LYST: variants seen among roughly 807,000 people sequenced by gnomAD.
LYST encodes lysosomal trafficking regulator, also known as lysosomal-trafficking regulator.
LYST carries 192 observed loss-of-function variants against 413.6 expected under a neutral mutation model. That is an observed-to-expected ratio of 0.46 (90% CI 0.41 to 0.52). LYST has a LOEUF of 0.52. Among genes scored for constraint, LYST ranks in the 20% least tolerant of loss-of-function variants. The pLI is 0.00. For synonymous variants in LYST, 1,525 were observed against 1,567.3 expected, an observed-to-expected ratio of 0.97 and a Z score of 0.64; for missense variants, 3,815 against 4,499.9, an observed-to-expected ratio of 0.85 and a Z score of 4.35.
chr1:235,800,743 T>C (rs1672124857), intron 9 of LYST, 128 bp downstream of exon 9: 2 of 688,888 alleles, frequency 2.9e-6, no homozygotes, highest in African/African-American at 3.6e-5. Flanking sequence ...GGTATTCACC[T>C]GAGGTACCAG....
At chr1:235,746,628 C>A in intron 28 of LYST, 101 bp from the exon 29 acceptor site, 2 of 800,552 alleles carry the variant, frequency 2.5e-6, no homozygotes, top group Non-Finnish European at 2.1e-6. Flanking sequence ...ATGAAAACAA[C>A]CTTATTTACT....
intron 3 of LYST, among the ~76,000 whole-genome samples, chr1:235,819,674 T>G (rs185019938): frequency 6.6e-6 from 1 of 152,296 alleles, no homozygotes; most frequent in East Asian, 1.9e-4. Context: ...TGAGATGGAG[T>G]CTCACTCTGC....
At chr1:235,665,751 A>C (rs1186250889) in intron 50 of LYST, among the ~76,000 whole-genome samples, 1 of 152,152 alleles carries the variant, frequency 6.6e-6, no homozygotes, top group Non-Finnish European at 1.5e-5. Context: ...AAATCTTATA[A>C]AGCAATACCT....
intron 7 of LYST, among the ~76,000 whole-genome samples, chr1:235,804,131 C>T (rs1374981544): frequency 6.6e-6 from 1 of 151,970 alleles, no homozygotes; most frequent in Non-Finnish European, 1.5e-5. Flanking sequence ...GCTATACCAC[C>T]AAAGAACCAG....
rs749333802 is a variant in LYST, at chr1:235,677,508, C to T, written c.10912G>A (p.Gly3638Arg). 7 of 1,613,516 alleles carry T rather than the reference C, an allele frequency of 4.3e-6. No homozygotes were observed. The East Asian group carries it at 6.7e-5, about 15-fold the overall frequency. Residue 3638 changes from glycine to arginine, a missense_variant, in exon 49 of 53, where the codon GGA (glycine) becomes AGA (arginine). Gly to Arg is a moderately radical substitution (Grantham distance 125). Coordinates refer to ENST00000389793, the MANE Select transcript of LYST (RefSeq NM_000081.4). ...TTTAAATCCCATATGATGCAGGTTC[C>T]GTCTCTGCTCACACTTATCAGTATA... ...YSILISVSRD[G>R]TCIIWDLNRL...
intron 38 of LYST, among the ~76,000 whole-genome samples, chr1:235,725,586 A>G (rs2103182988): frequency 6.6e-6 from 1 of 152,340 alleles, no homozygotes; most frequent in South Asian, 2.1e-4. Context: ...GGTTAAATCC[A>G]TGTCTGGATG....
At chr1:235,797,693 A>G (rs756179193) in intron 10 of LYST, among the ~76,000 whole-genome samples, 1 of 152,224 alleles carries the variant, frequency 6.6e-6, no homozygotes. Flanking sequence ...CTTACGGGGA[A>G]CATTCCATAA....
rs1208201832 is a variant in LYST, at chr1:235,733,916, TTAGA to T, written c.8536-14_8536-11del. 40 of 1,423,118 alleles carry T rather than the reference TTAGA, an allele frequency of 2.8e-5. No individual in the cohort carries two copies. The highest frequency in any genetic ancestry group is 3.6e-5 in the Non-Finnish European group (36 of 1,008,948). The allele number at this position is 1,423,118 out of a possible 1,614,324, so 88.2% of individuals were successfully genotyped here. On this transcript the variant is annotated splice_polypyrimidine_tract_variant and intron_variant, in intron 32 of 52. Transcript: ENST00000389793. ...CATATTTCTTTTGTTCCTAGAAGAT[TTAGA>T]TAATAATATACTATATAAAATTTAT... is the stretch of plus-strand genomic sequence containing the variant.
intron 3 of LYST, among the ~76,000 whole-genome samples, chr1:235,819,133 G>GA (rs1674483284): frequency 6.6e-6 from 1 of 152,190 alleles, no homozygotes; most frequent in South Asian, 2.1e-4. Flanking sequence ...TTGTAGTCCT[G>GA]AAGAGGGCAT....
At chr1:235,771,185 G>C (rs1280737739) in intron 19 of LYST, among the ~76,000 whole-genome samples, 2 of 152,004 alleles carry the variant, frequency 1.3e-5, no homozygotes, top group Non-Finnish European at 2.9e-5. Flanking sequence ...AGCAGACAAG[G>C]CAGCCAAAGT....
chr1:235,665,877 CTGA>C (rs931461970), intron 50 of LYST, among the ~76,000 whole-genome samples: 6 of 151,880 alleles, frequency 4.0e-5, no homozygotes, highest in Non-Finnish European at 2.9e-5. Context: ...GGTTTGGGGG[CTGA>C]TGATGATATG....
At chr1:235,871,763 G>A (rs752813977), upstream of LYST, among the ~76,000 whole-genome samples, 10 of 152,106 alleles carry the variant, frequency 6.6e-5, no homozygotes, top group Admixed American at 6.5e-5. Context: ...TCTGCAGCTC[G>A]CCCTGAATTC....
In LYST at chr1:235,715,198, T is replaced by C. The variant is rs780228166; in HGVS notation, c.9784+3A>G. 1.2e-6 allele frequency: 2 copies of C among 1,613,660 alleles called. No homozygotes were observed. Reference sequence around the variant, plus strand: ...ACTTTTTAGGCAGTTATTAAATTCTTACCTTGATAGGCTAAAAACATTTTA... The same window carrying C: ...ACTTTTTAGGCAGTTATTAAATTCTCACCTTGATAGGCTAAAAACATTTTA... On this transcript the variant is annotated splice_donor_region_variant and intron_variant, in intron 42 of 52. Transcript: ENST00000389793.
At position 235,729,510 on chromosome 1, in the gene LYST, G is replaced by A. The variant is rs1664178933; in HGVS notation, c.9106+86C>T. ...TACAGAAAGTTTATCCAATTTAATGGCATGCTGTCAAAAAACACTTTAAAT... is the reference window on the plus strand; with the variant it reads ...TACAGAAAGTTTATCCAATTTAATGACATGCTGTCAAAAAACACTTTAAAT... On this transcript the variant is annotated intron_variant, in intron 37 of 52. Coordinates refer to ENST00000389793, the MANE Select transcript of LYST (RefSeq NM_000081.4). 4 of 888,218 alleles carry A rather than the reference G, an allele frequency of 4.5e-6. No homozygotes were observed. The East Asian group carries it at 9.9e-5, about 22-fold the overall frequency. The allele number at this position is 888,218 out of a possible 1,614,324, so 55.0% of individuals were successfully genotyped here.
chr1:235,845,524 A>G (rs141666643), intron 1 of LYST, among the ~76,000 whole-genome samples: 1 of 152,258 alleles, frequency 6.6e-6, no homozygotes, highest in African/African-American at 2.4e-5. Flanking sequence ...CAGCTCGCAG[A>G]CTTCACAGGT....
rs770679237 is a variant in LYST, at chr1:235,802,961, CCTT to C, written c.3656_3658del (p.Glu1219del). 107 of 1,613,384 alleles carry C rather than the reference CCTT, an allele frequency of 6.6e-5. No homozygotes were observed. The highest frequency in any genetic ancestry group is 8.3e-5 in the Admixed American group (5 of 59,990). On this transcript the variant is annotated inframe_deletion, in exon 8 of 53. Coordinates refer to ENST00000389793, the MANE Select transcript of LYST (RefSeq NM_000081.4). Reference sequence around the variant, plus strand: ...ATTGCTTTCACTATCTGCTTCGTAACCTTCTTCTTCAACTAAAAGTTTAAAACT... The same window carrying C: ...ATTGCTTTCACTATCTGCTTCGTAACCTTCTTCAACTAAAAGTTTAAAACT...
At chr1:235,815,403 G>A (rs191632788) in intron 3 of LYST, among the ~76,000 whole-genome samples, 13 of 152,286 alleles carry the variant, frequency 8.5e-5, no homozygotes, top group Non-Finnish European at 1.8e-4. Context: ...TAACATTTTA[G>A]ACAGGCTATT....
rs914717016 is a variant in LYST, at chr1:235,690,985, T to C, written c.10701+2365A>G. Among the ~76,000 whole-genome samples the C allele has an allele frequency of 4.6e-5, 7 of 151,908 alleles. No individual in the cohort carries two copies. The South Asian group carries it at 1.0e-3, about 23-fold the overall frequency. ...AGGCTGGAGTGCAGTGGTGCAATCT[T>C]GGCTCACTGCAAGCTCCGCCTCCCG... On this transcript the variant is annotated intron_variant, in intron 47 of 52. Coordinates refer to ENST00000389793, the MANE Select transcript of LYST (RefSeq NM_000081.4).
At position 235,751,257 on chromosome 1, in the gene LYST, G is replaced by T; in HGVS notation, c.7733C>A (p.Pro2578His). The T allele has an allele frequency of 6.2e-7, 1 of 1,613,784 alleles. No homozygotes were observed. The highest frequency in any genetic ancestry group is 8.5e-7 in the Non-Finnish European group (1 of 1,179,738). The change falls in exon 28 of 53, where the codon CCT becomes CAT. Residue 2578 changes from proline (P) to histidine (H), a missense_variant. By Grantham distance (77) the Pro-to-His change is moderately conservative. This residue lies in a region of LYST where 771 missense variants were observed against 837.1 expected (regional missense o/e 0.92). Coordinates refer to ENST00000389793, the MANE Select transcript of LYST (RefSeq NM_000081.4). ...AACTACTGCATGATGGGGAGCAGAA[G>T]GTGACTGGAGTGAATCTGTGAGGTT... ...SENLTDSLQS[P>H]SAPHHAVVQK... is the part of the protein sequence containing the mutation.
Sources: allele counts gnomAD v4.1 joint callset (sites outside exome capture counted in the v4.1 genomes callset), GRCh38; gene constraint gnomAD v4.1.1; regional missense constraint gnomAD v4.1.1; transcripts MANE v1.5; gene names NCBI Gene and HGNC (gene_info 2026-07-23, HGNC 2026-07-21).